The following FBXO46 variants were observed in gnomAD, a reference collection of about 807,000 sequenced individuals.
FBXO46 encodes the protein F-box protein 46.
FBXO46 carries 13 observed loss-of-function variants against 30.7 expected under a neutral mutation model. The ratio of observed to expected loss-of-function variants is 0.42; its 90% CI spans 0.28 to 0.67. The LOEUF is 0.67. FBXO46 is among the 30% of genes least tolerant of loss of function. The probability of loss-of-function intolerance (pLI) is 0.21; values close to 1 mark genes in which losing one functional copy is unlikely to be tolerated. For missense variants in FBXO46, 754 were observed against 871.5 expected (o/e 0.87, Z 1.70); for synonymous variants, 467 against 385.8 (o/e 1.21, Z -2.47).
upstream of FBXO46, among the ~76,000 whole-genome samples, chr19:45,731,840 G>A (rs1467486549): frequency 1.3e-5 from 2 of 151,492 alleles, no homozygotes; most frequent in African/African-American, 2.4e-5. Flanking sequence ...AAAGAAGGCC[G>A]GGCGCGGTGG....
rs35591142 is a variant in FBXO46, at chr19:45,711,150, TA to T, written c.*533del. ...CAAACCATCTAGAAATGGACTGTCA[TA>T]AAAAAATGCCAGATCCCACCTGTGA... On this transcript the variant is annotated 3_prime_UTR_variant, in exon 2 of 2. Coordinates refer to ENST00000317683, the MANE Select transcript of FBXO46 (RefSeq NM_001080469.2). The T allele has an allele frequency of 7.5e-6, 3 of 400,982 alleles. No homozygotes were observed. The highest frequency in any genetic ancestry group is 1.4e-5 in the Non-Finnish European group (3 of 207,672). The allele number at this position is 400,982 out of a possible 1,614,324, so 24.8% of individuals were successfully genotyped here. A position where few individuals can be genotyped will look rare whatever the true frequency, so the allele number is the denominator to read the frequency against.
chr19:45,717,754 G>A (rs1968117427), intron 1 of FBXO46, among the ~76,000 whole-genome samples: 1 of 138,878 alleles, frequency 7.2e-6, no homozygotes, highest in Non-Finnish European at 1.5e-5. Context: ...AGAGATCAGA[G>A]TATCCAGCTT....
At chr19:45,728,326 A>G (rs906862136) in intron 1 of FBXO46, among the ~76,000 whole-genome samples, 8 of 152,302 alleles carry the variant, frequency 5.3e-5, no homozygotes, top group Admixed American at 1.3e-4. Context: ...GAGAGAAAGG[A>G]GACAGCCTGA....
Position 45,713,696 on chromosome 19 carries a change from G to A in FBXO46, c.-78-123C>T, listed in dbSNP as rs917332166. ...AAGAACTCTATTCCTGGCTGGGCGC[G>A]GTGGCTCACGCCTGTAATCCCAGCA... On this transcript the variant is annotated intron_variant, in intron 1 of 1. Coordinates refer to ENST00000317683, the MANE Select transcript of FBXO46 (RefSeq NM_001080469.2). This position sits in a 1 kb window ranked among gnomAD's most constrained non-coding sequence, Gnocchi z 4.7. 8.0e-5 allele frequency: 40 copies of A among 499,430 alleles called. No homozygotes were observed. The highest frequency in any genetic ancestry group is 1.2e-4 in the Non-Finnish European group (35 of 280,414). The allele number at this position is 499,430 out of a possible 1,614,324, so 30.9% of individuals were successfully genotyped here. A position where few individuals can be genotyped will look rare whatever the true frequency, so the allele number is the denominator to read the frequency against.
chr19:45,718,245 G>A (rs1039098267), intron 1 of FBXO46, among the ~76,000 whole-genome samples: 7 of 152,160 alleles, frequency 4.6e-5, no homozygotes, highest in Non-Finnish European at 7.4e-5. Flanking sequence ...TCGTCTCCAC[G>A]GTATGGATGA....
upstream of FBXO46, among the ~76,000 whole-genome samples, chr19:45,732,941 C>T (rs141954314): frequency 6.5e-4 from 99 of 152,136 alleles, 2 homozygotes; most frequent in East Asian, 0.014. Context: ...TCACCGGATT[C>T]TCATGGTCTC....
chr19:45,712,475 G>A lies in FBXO46; in HGVS notation c.1021C>T (p.Pro341Ser), dbSNP rs767326681. 5 of 1,607,540 alleles carry A rather than the reference G, an allele frequency of 3.1e-6. No individual in the cohort carries two copies. In the East Asian group the frequency reaches 1.1e-4, roughly 36 times the overall value. ...GGGGGAGTGTCCTCAGGCCTGGCGG[G>A]TGCCGGGCTGTCACCCTCACTGGCC... is the stretch of plus-strand genomic sequence containing the variant. The part of the protein sequence containing the change: ...DEASEGDSPA[P>S]ARPEDTPPAP... Residue 341 changes from proline (P) to serine (S), a missense_variant, in exon 2 of 2, where the codon CCC becomes TCC. Physicochemically the swap from Pro to Ser is moderately conservative, Grantham distance 74 (BLOSUM62 -1). Transcript: ENST00000317683. This position sits in a 1 kb window ranked among gnomAD's most constrained non-coding sequence, Gnocchi z 8.8.
At chr19:45,720,814 A>G (rs1476722877) in intron 1 of FBXO46, among the ~76,000 whole-genome samples, 1 of 151,868 alleles carries the variant, frequency 6.6e-6, no homozygotes, top group African/African-American at 2.4e-5. Flanking sequence ...ACTACAATAT[A>G]AACATCATCC....
rs772298721 is a variant in FBXO46, at chr19:45,713,090, G to A, written c.406C>T (p.Arg136Cys). ...GGAGCCTTGGTGGGGTCAAGACAGC[G>A]CCTCCGCCGCTTGGCCTTGGAGCTA... The part of the protein sequence containing the change: ...SDSSKAKRRR[R>C]CLDPTKAPPD... The change falls in exon 2 of 2, where the codon CGC becomes TGC. Residue 136 changes from arginine to cysteine, a missense_variant. By Grantham distance (180) the Arg-to-Cys change is radical (BLOSUM62 -3). Around this residue, in one of 5 missense-constraint regions of FBXO46, gnomAD observed 39 missense variants for 56.5 expected, o/e 0.69. Coordinates refer to ENST00000317683, the MANE Select transcript of FBXO46 (RefSeq NM_001080469.2). The surrounding 1 kb of genome is among the most constrained non-coding windows in gnomAD (Gnocchi z 4.7). The A allele has an allele frequency of 6.9e-6, 11 of 1,600,658 alleles. No individual in the cohort carries two copies. The highest frequency in any genetic ancestry group is 5.6e-5 in the South Asian group (5 of 89,616).
At chr19:45,730,723 C>G (rs1228752100) in intron 1 of FBXO46, 126 bp downstream of exon 1, 1 of 152,996 alleles carries the variant, frequency 6.5e-6, no homozygotes, top group Non-Finnish European at 1.5e-5. Flanking sequence ...TCCTCCCAGT[C>G]CTCTCCCCCA....
Position 45,712,718 on chromosome 19 carries a change from G to A in FBXO46, c.778C>T (p.Arg260Cys), listed in dbSNP as rs1968011211. ...ERPGPGPGEV[R>C]IAFRISNGRE... ...CCGTTGGAGATGCGGAAGGCGATGC[G>A]CACCTCCCCAGGGCCTGGCCCGGGC... Residue 260 changes from arginine (R) to cysteine (C), a missense_variant, in exon 2 of 2, where the codon CGC (arginine) becomes TGC (cysteine). This residue lies in a region of FBXO46 where 454 missense variants were observed against 426.5 expected (regional missense o/e 1.06). Transcript: ENST00000317683. The surrounding 1 kb of genome is among the most constrained non-coding windows in gnomAD (Gnocchi z 8.8). The A allele has an allele frequency of 6.2e-7, 1 of 1,612,386 alleles. No homozygotes were observed.
In FBXO46 at chr19:45,713,737, GT is replaced by G. The variant is rs1198751324; in HGVS notation, c.-78-165del. 2.0e-5 allele frequency among the ~76,000 whole-genome samples: 3 copies of G among 152,126 alleles called. No individual in the cohort carries two copies. Among genetic ancestry groups the G allele is most frequent in the African/African-American group, 7.2e-5 (3 of 41,424 alleles). On this transcript the variant is annotated intron_variant, in intron 1 of 1. Coordinates refer to ENST00000317683, the MANE Select transcript of FBXO46 (RefSeq NM_001080469.2). This position sits in a 1 kb window ranked among gnomAD's most constrained non-coding sequence, Gnocchi z 4.7. ...AATCCCAGCACTTTGGGAGGCTGAG[GT>G]GGGCAGATCACCTGAGGTCAGGAGT...
Position 45,712,689 on chromosome 19 carries a change from C to T in FBXO46, c.807G>A (p.Arg269=). Residue 269 remains arginine, a synonymous_variant, in exon 2 of 2, where the codon CGG becomes CGA. Coordinates refer to ENST00000317683, the MANE Select transcript of FBXO46 (RefSeq NM_001080469.2). The surrounding 1 kb of genome is among the most constrained non-coding windows in gnomAD (Gnocchi z 8.8). Reference sequence around the variant, plus strand: ...GGCCGCTGTCTGGTGCACGGGGCTCCCGGCCGTTGGAGATGCGGAAGGCGA... The same window carrying T: ...GGCCGCTGTCTGGTGCACGGGGCTCTCGGCCGTTGGAGATGCGGAAGGCGA... ...VRIAFRISNG[R]EPRAPDSGLP... The T allele has an allele frequency of 6.2e-7, 1 of 1,612,764 alleles. No individual in the cohort carries two copies. The highest frequency in any genetic ancestry group is 8.5e-7 in the Non-Finnish European group (1 of 1,179,434).
intron 1 of FBXO46, among the ~76,000 whole-genome samples, chr19:45,718,754 G>C (rs1221516271): frequency 6.6e-6 from 1 of 151,704 alleles, no homozygotes; most frequent in Non-Finnish European, 1.5e-5. Context: ...CCTGAGACAG[G>C]ATCTTCTAAC....
upstream of FBXO46, among the ~76,000 whole-genome samples, chr19:45,732,610 TTG>T (rs1491487354): frequency 8.9e-6 from 1 of 112,330 alleles, no homozygotes; most frequent in African/African-American, 3.5e-5. Context: ...TTTTTTTTTT[TTG>T]AGACAGAGTC....
intron 1 of FBXO46, chr19:45,716,178 A>G (rs1968088537): frequency 1.3e-5 from 2 of 152,224 alleles, no homozygotes; most frequent in Admixed American, 1.3e-4. Flanking sequence ...GGCATACTCA[A>G]CTGATAAGTA....
chr19:45,713,450 G>T lies in FBXO46; in HGVS notation c.46C>A (p.Pro16Thr). Residue 16 changes from proline to threonine, a missense_variant, in exon 2 of 2, where the codon CCC becomes ACC. Pro to Thr is a conservative substitution (Grantham distance 38). Coordinates refer to ENST00000317683, the MANE Select transcript of FBXO46 (RefSeq NM_001080469.2). The surrounding 1 kb of genome is among the most constrained non-coding windows in gnomAD (Gnocchi z 4.7). ...TGGTTCTGTGAGTAGGTGCCAAAGG[G>T]CCGGGGGCACCATAGCTGGAAGGGC... ...LLPFQLWCPR[P>T]FGTYSQNQPR... The T allele has an allele frequency of 6.3e-7, 1 of 1,593,710 alleles. No individual in the cohort carries two copies. Among genetic ancestry groups the T allele is most frequent in the Non-Finnish European group, 8.6e-7 (1 of 1,165,934 alleles).
intron 1 of FBXO46, among the ~76,000 whole-genome samples, chr19:45,729,097 G>T (rs773261040): frequency 1.3e-5 from 2 of 150,968 alleles, no homozygotes; most frequent in East Asian, 2.0e-4. Context: ...GCGAAACTCC[G>T]CCTCAAAAAC....
intron 1 of FBXO46, chr19:45,716,023 T>G (rs1197898717): frequency 6.6e-6 from 1 of 152,098 alleles, no homozygotes; most frequent in Non-Finnish European, 1.5e-5. Context: ...AACCTATAGA[T>G]GGCTGTTTAC....
Sources: gnomAD v4.1 joint callset for allele counts (sites outside exome capture counted in the v4.1 genomes callset) on GRCh38, gnomAD v4.1.1 for gene constraint, gnomAD v4.1.1 regional missense constraint, Gnocchi (gnomAD v3.1) non-coding constraint, MANE v1.5 for transcripts, NCBI Gene and HGNC (gene_info 2026-07-23, HGNC 2026-07-21) for gene names.